Variants in RAC2 observed in about 807,000 individuals in gnomAD.
RAC2 encodes ras-related C3 botulinum toxin substrate 2.
RAC2 carries 1 observed loss-of-function variant against 24.0 expected under a neutral mutation model. That is an observed-to-expected ratio of 0.04 (90% CI 0.01 to 0.20). The LOEUF (loss-of-function observed/expected upper bound fraction) is 0.20. Among genes scored for constraint, RAC2 ranks in the 10% least tolerant of loss-of-function variants. The pLI, the probability that RAC2 is intolerant of heterozygous loss-of-function variation, is 1.00. For missense variants in RAC2, 130 were observed against 259.1 expected (o/e 0.50, Z 3.42); for synonymous variants, 114 against 106.8 (o/e 1.07, Z -0.41).
intron 2 of RAC2, among the ~76,000 whole-genome samples, chr22:37,236,986 C>T (rs987893241): frequency 2.0e-5 from 3 of 152,074 alleles, no homozygotes; most frequent in African/African-American, 7.2e-5. Context: ...GTCAAGAGAT[C>T]GAGACCATCC....
rs149443346 is a variant in RAC2, at chr22:37,237,846, G to A, written c.107+3741C>T. Among the ~76,000 whole-genome samples the A allele has an allele frequency of 2.3e-3, 352 of 152,070 alleles. 3 individuals are homozygous for A. The highest frequency in any genetic ancestry group is 4.9e-3 in the African/African-American group (205 of 41,476). The stretch of plus-strand genomic sequence containing the variant: ...GAGCTTCCATCCAAGAGGAGGAGTG[G>A]CAGCAAAGGAGCAGCAAGATGAAGT... On this transcript the variant is annotated intron_variant, in intron 2 of 6. Transcript: ENST00000249071.
chr22:37,226,237 G>A (rs1926832016), intron 6 of RAC2, among the ~76,000 whole-genome samples, 198 bp from the exon 7 acceptor site: 1 of 151,908 alleles, frequency 6.6e-6, no homozygotes, highest in Admixed American at 6.6e-5. Flanking sequence ...GGCCTTGTGG[G>A]CTGCCTCCAA....
At chr22:37,236,294 C>G (rs1447831816) in intron 2 of RAC2, among the ~76,000 whole-genome samples, 1 of 152,188 alleles carries the variant, frequency 6.6e-6, no homozygotes, top group Non-Finnish European at 1.5e-5. Flanking sequence ...ACCAGAGGGA[C>G]AGGTGCAGGA....
intron 2 of RAC2, among the ~76,000 whole-genome samples, chr22:37,238,485 C>T (rs1357736976): frequency 6.6e-6 from 1 of 152,222 alleles, no homozygotes; most frequent in Non-Finnish European, 1.5e-5. Flanking sequence ...AGCGATCTGC[C>T]TGCCTCAGCC....
intron 5 of RAC2, 40 bp from the exon 6 acceptor site, chr22:37,226,843 G>GT: frequency 8.3e-7 from 1 of 1,200,586 alleles, no homozygotes; most frequent in African/African-American, 1.6e-5. Flanking sequence ...GGCCTAAGTG[G>GT]CGGGGGGGGT....
chr22:37,240,840 G>C (rs1200780106), intron 2 of RAC2: 2 of 597,200 alleles, frequency 3.3e-6, no homozygotes, highest in East Asian at 2.8e-5. Flanking sequence ...TGGGGAGAGA[G>C]AACAGCTTGA....
chr22:37,234,210 C>T (rs1927157181), intron 2 of RAC2, among the ~76,000 whole-genome samples: 2 of 152,218 alleles, frequency 1.3e-5, no homozygotes, highest in East Asian at 3.8e-4. Flanking sequence ...GGTGAGGGGC[C>T]TGACAAATAT....
At chr22:37,237,307 G>A (rs1430773453) in intron 2 of RAC2, among the ~76,000 whole-genome samples, 3 of 151,958 alleles carry the variant, frequency 2.0e-5, no homozygotes, top group Non-Finnish European at 4.4e-5. Context: ...GGGGGAAACT[G>A]GCACATCAGC....
At chr22:37,226,644 T>C (rs762411252) in intron 6 of RAC2, 27 bp downstream of exon 6, 2 of 1,610,900 alleles carry the variant, frequency 1.2e-6, no homozygotes, top group East Asian at 2.2e-5. Context: ...TGTATGGGAG[T>C]TGGGCACTAG....
At chr22:37,240,260 G>C (rs1483908860) in intron 2 of RAC2, among the ~76,000 whole-genome samples, 1 of 152,226 alleles carries the variant, frequency 6.6e-6, no homozygotes, top group East Asian at 1.9e-4. Flanking sequence ...AGGAGAGCCT[G>C]ATCCCTGCCC....
intron 2 of RAC2, among the ~76,000 whole-genome samples, chr22:37,236,182 A>T (rs960050424): frequency 1.3e-5 from 2 of 152,214 alleles, no homozygotes; most frequent in Non-Finnish European, 2.9e-5. Flanking sequence ...ATCCAAAAAA[A>T]CAGAGGATGT....
intron 6 of RAC2, 110 bp downstream of exon 6, chr22:37,226,561 C>T: frequency 7.0e-7 from 1 of 1,429,376 alleles, no homozygotes; most frequent in Non-Finnish European, 9.5e-7. Flanking sequence ...ACCTCCATAC[C>T]CACCTTCTTT....
chr22:37,238,766 C>T lies in RAC2; in HGVS notation c.107+2821G>A, dbSNP rs532904401. ...AAGAACTCACAGGGCCCTGCCGGCT[C>T]CAATATAGGGTCTATACAACAGAGC... On this transcript the variant is annotated intron_variant, in intron 2 of 6. Coordinates refer to ENST00000249071, the MANE Select transcript of RAC2 (RefSeq NM_002872.5). Among the ~76,000 whole-genome samples the T allele has an allele frequency of 3.3e-5, 5 of 152,312 alleles. No individual in the cohort carries two copies. The East Asian group carries it at 9.6e-4, about 29-fold the overall frequency.
intron 2 of RAC2, among the ~76,000 whole-genome samples, chr22:37,233,416 G>A (rs1374003329): frequency 1.3e-5 from 2 of 152,094 alleles, no homozygotes; most frequent in African/African-American, 4.8e-5. Flanking sequence ...CCAAGTAGCT[G>A]GGATTACAGG....
At chr22:37,235,367 C>T (rs745796588) in intron 2 of RAC2, among the ~76,000 whole-genome samples, 4 of 152,158 alleles carry the variant, frequency 2.6e-5, no homozygotes, top group Non-Finnish European at 5.9e-5. Flanking sequence ...TTCCTCTCTC[C>T]CTTCTCTTCC....
In RAC2 at chr22:37,237,714, C is replaced by T. The variant is rs565765856; in HGVS notation, c.107+3873G>A. On this transcript the variant is annotated intron_variant, in intron 2 of 6. Transcript: ENST00000249071. ...CAGAGCTGAGCCCTGCCTTCCTCCC[C>T]GGGGTCGGGGAGGCAGTCATGACGG... 2.2e-3 allele frequency among the ~76,000 whole-genome samples: 341 copies of T among 152,132 alleles called. 4 individuals carry two copies. The highest frequency in any genetic ancestry group is 7.9e-3 in the African/African-American group (328 of 41,518).
Position 37,226,303 on chromosome 22 carries a change from C to T in RAC2, c.*3-264G>A, listed in dbSNP as rs559805317. ...ATCATAGCTCAGGCTCTCCCACCTC[C>T]ACCCACATATGTGGGTGCAGGATCT... On this transcript the variant is annotated intron_variant, in intron 6 of 6. Coordinates refer to ENST00000249071, the MANE Select transcript of RAC2 (RefSeq NM_002872.5). Among the ~76,000 whole-genome samples, 8 of 152,112 alleles carry T rather than the reference C, an allele frequency of 5.3e-5. No homozygotes were observed. In the South Asian group the frequency reaches 1.7e-3, roughly 32 times the overall value.
chr22:37,226,706 C>T lies in RAC2; in HGVS notation c.546G>A (p.Thr182=), dbSNP rs1926845384. ...GGCTGCAGGCGCGCTTCTGCTGCCGCGTGGGCTGAGGGCACAGCACGGCCC... is the reference window on the plus strand; with the variant it reads ...GGCTGCAGGCGCGCTTCTGCTGCCGTGTGGGCTGAGGGCACAGCACGGCCC... ...AIRAVLCPQP[T]RQQKRACSLL The change falls in exon 6 of 7, where the codon ACG becomes ACA. Residue 182 remains threonine, a synonymous_variant. Coordinates refer to ENST00000249071, the MANE Select transcript of RAC2 (RefSeq NM_002872.5). The T allele has an allele frequency of 1.2e-6, 2 of 1,613,084 alleles. No individual in the cohort carries two copies. The highest frequency in any genetic ancestry group is 1.7e-6 in the Non-Finnish European group (2 of 1,179,566).
At position 37,226,809 on chromosome 22, in the gene RAC2, T is replaced by C; in HGVS notation, c.449-6A>G. 3 of 1,611,672 alleles carry C rather than the reference T, an allele frequency of 1.9e-6. No individual in the cohort carries two copies. The highest frequency in any genetic ancestry group is 2.5e-6 in the Non-Finnish European group (3 of 1,179,268). ...CTCCAGGTATTTCACCGAGTCTGGT[T>C]GGGGAGATGGACAGGAGAGCCAAGG... On this transcript the variant is annotated splice_region_variant and splice_polypyrimidine_tract_variant and intron_variant, in intron 5 of 6. Transcript: ENST00000249071.
Sources: allele counts gnomAD v4.1 joint callset (sites outside exome capture counted in the v4.1 genomes callset), GRCh38; gene constraint gnomAD v4.1.1; transcripts MANE v1.5; gene names NCBI Gene and HGNC (gene_info 2026-07-23, HGNC 2026-07-21).